Variants in FOXN3 observed in about 807,000 individuals in gnomAD.
The protein encoded by FOXN3 is forkhead box protein N3.
FOXN3 carries 7 observed loss-of-function variants against 38.4 expected under a neutral mutation model. That is an observed-to-expected ratio of 0.18 (90% CI 0.10 to 0.34). The LOEUF (loss-of-function observed/expected upper bound fraction) is 0.34. FOXN3 is among the 10% of genes least tolerant of loss of function. The pLI is 1.00. For synonymous variants in FOXN3, 230 were observed against 242.2 expected, an observed-to-expected ratio of 0.95 and a Z score of 0.47; for missense variants, 456 against 613.4, an observed-to-expected ratio of 0.74 and a Z score of 2.71.
chr14:89,238,575 C>T (rs1043642675), intron 4 of FOXN3, among the ~76,000 whole-genome samples: 3 of 152,200 alleles, frequency 2.0e-5, no homozygotes, highest in Non-Finnish European at 4.4e-5. Context: ...CACACAGTGG[C>T]TTAAGGGGTC....
chr14:89,446,292 G>A (rs955308260), intron 1 of FOXN3, among the ~76,000 whole-genome samples: 3 of 143,944 alleles, frequency 2.1e-5, no homozygotes, highest in South Asian at 2.2e-4. Flanking sequence ...GGGTTCAAGC[G>A]ATTCTCCTGC....
At chr14:89,488,412 G>T (rs1268580322) in intron 1 of FOXN3, among the ~76,000 whole-genome samples, 1 of 151,892 alleles carries the variant, frequency 6.6e-6, no homozygotes, top group African/African-American at 2.4e-5. Flanking sequence ...TTGGGAGGCC[G>T]AGGTGGGCAC....
intron 1 of FOXN3, among the ~76,000 whole-genome samples, chr14:89,574,847 C>T (rs949571980): frequency 2.0e-5 from 3 of 151,956 alleles, no homozygotes; most frequent in African/African-American, 7.3e-5. Flanking sequence ...AATCTCTTCC[C>T]TATGAAAATC....
intron 3 of FOXN3, chr14:89,291,213 G>C: frequency 4.6e-6 from 2 of 437,348 alleles, no homozygotes; most frequent in Non-Finnish European, 4.5e-6. Flanking sequence ...GCTGACATCC[G>C]AGAGATGACT....
At chr14:89,423,247 C>G (rs1198860160) in intron 1 of FOXN3, among the ~76,000 whole-genome samples, 1 of 152,224 alleles carries the variant, frequency 6.6e-6, no homozygotes, top group African/African-American at 2.4e-5. Flanking sequence ...GGTTCGTACT[C>G]TGATCTTACC....
chr14:89,415,443 T>C (rs962460119), intron 1 of FOXN3, among the ~76,000 whole-genome samples: 4 of 152,182 alleles, frequency 2.6e-5, no homozygotes, highest in African/African-American at 9.6e-5. Context: ...GAGAGGGTTA[T>C]GGGAGTTCAG....
In FOXN3 at chr14:89,555,870, TGTGTGTATGTGG is replaced by T. The variant is rs1400840649; in HGVS notation, c.-15+63146_-15+63157del. On this transcript the variant is annotated intron_variant, in intron 1 of 6. Transcript: ENST00000345097. ...GTGTGTGTGTGTGTGTGTGTGTGTG[TGTGTGTATGTGG>T]GGGTGTATGTGGGGGTGTGTGTGTT... Among the ~76,000 whole-genome samples, 3 of 117,402 alleles carry T rather than the reference TGTGTGTATGTGG, an allele frequency of 2.6e-5. 1 individual carries two copies. Among genetic ancestry groups the T allele is most frequent in the Non-Finnish European group, 5.5e-5 (3 of 54,638 alleles). 77.0% of individuals were successfully genotyped at this position (117,402 alleles called of 152,430 possible). A position where few individuals can be genotyped will look rare whatever the true frequency, so the allele number is the denominator to read the frequency against.
chr14:89,191,567 C>G (rs147943474), intron 4 of FOXN3, among the ~76,000 whole-genome samples: 2 of 152,104 alleles, frequency 1.3e-5, no homozygotes, highest in African/African-American at 4.8e-5. Context: ...CAATTTGCTA[C>G]TAATGGCTCC....
intron 4 of FOXN3, among the ~76,000 whole-genome samples, chr14:89,277,106 A>G (rs1279889313): frequency 6.6e-6 from 1 of 152,192 alleles, no homozygotes; most frequent in African/African-American, 2.4e-5. Context: ...AATATGGGGG[A>G]GGGGGACAGG....
At chr14:89,581,043 G>A (rs562150012) in intron 1 of FOXN3, among the ~76,000 whole-genome samples, 12 of 151,642 alleles carry the variant, frequency 7.9e-5, no homozygotes, top group South Asian at 2.1e-4. Context: ...TTAGCCAATC[G>A]TGGTGGTGTG....
At chr14:89,204,760 T>C (rs1181661091) in intron 4 of FOXN3, among the ~76,000 whole-genome samples, 1 of 152,164 alleles carries the variant, frequency 6.6e-6, no homozygotes, top group Non-Finnish European at 1.5e-5. Context: ...CCCTGAATAG[T>C]GCATATTCAA....
chr14:89,547,512 C>T (rs145164532), intron 1 of FOXN3, among the ~76,000 whole-genome samples: 4,446 of 151,466 alleles, frequency 0.029, 211 homozygotes, highest in African/African-American at 0.1. Context: ...TGGCCAGGCT[C>T]GTCTCGAACT....
chr14:89,495,870 G>A (rs1893669395), intron 1 of FOXN3, among the ~76,000 whole-genome samples: 1 of 152,202 alleles, frequency 6.6e-6, no homozygotes, highest in Non-Finnish European at 1.5e-5. Flanking sequence ...CAAGGTAAGT[G>A]TCAGACCTTG....
intron 1 of FOXN3, among the ~76,000 whole-genome samples, chr14:89,472,592 A>G (rs763035295): frequency 5.3e-5 from 8 of 151,240 alleles, no homozygotes; most frequent in Non-Finnish European, 8.9e-5. Flanking sequence ...GTGGTGGCGG[A>G]CGCCTGCAGT....
chr14:89,530,080 C>T (rs532609550), intron 1 of FOXN3, among the ~76,000 whole-genome samples: 1 of 151,930 alleles, frequency 6.6e-6, no homozygotes, highest in East Asian at 1.9e-4. Flanking sequence ...GCTAGGATTA[C>T]AGGTGTGTGC....
intron 1 of FOXN3, among the ~76,000 whole-genome samples, chr14:89,581,939 GC>G (rs144588731): frequency 0.036 from 5,516 of 152,210 alleles, 323 homozygotes; most frequent in African/African-American, 0.13. Flanking sequence ...CCAACATTTA[GC>G]CCCAGGACAA....
chr14:89,471,829 G>C (rs190528217), intron 1 of FOXN3, among the ~76,000 whole-genome samples: 3,157 of 152,252 alleles, frequency 0.021, 96 homozygotes, highest in African/African-American at 0.072. Context: ...CCAGCACCTG[G>C]TTCGTCATTT....
At chr14:89,352,967 G>C (rs1235060582) in intron 2 of FOXN3, among the ~76,000 whole-genome samples, 1 of 152,118 alleles carries the variant, frequency 6.6e-6, no homozygotes, top group African/African-American at 2.4e-5. Flanking sequence ...TCCAGCTGGG[G>C]CAAGAACAGT....
At chr14:89,546,329 C>CTTTTTTTCTT (rs1894880041) in intron 1 of FOXN3, among the ~76,000 whole-genome samples, 1 of 78,316 alleles carries the variant, frequency 1.3e-5, no homozygotes, top group Non-Finnish European at 2.3e-5. Flanking sequence ...TTTCCTTTTT[C>CTTTTTTTCTT]TTTTTTTTTT....
Sources: allele counts gnomAD v4.1 joint callset (sites outside exome capture counted in the v4.1 genomes callset), GRCh38; gene constraint gnomAD v4.1.1; transcripts MANE v1.5; gene names NCBI Gene and HGNC (gene_info 2026-07-23, HGNC 2026-07-21).